Variants in SEPTIN10 observed in about 807,000 individuals in gnomAD.
SEPTIN10 encodes the protein septin-10.
SEPTIN10 carries 66 observed loss-of-function variants against 54.8 expected under a neutral mutation model. That is an observed-to-expected ratio of 1.21 (90% CI 0.99 to 1.48). The LOEUF (loss-of-function observed/expected upper bound fraction) is 1.48, where lower values mean the gene tolerates loss of function less well. SEPTIN10 is among the 40% of genes most tolerant of loss of function. The pLI is 0.00. For missense variants in SEPTIN10, 620 were observed against 545.6 expected (o/e 1.14, Z -1.36); for synonymous variants, 161 against 181.0 (o/e 0.89, Z 0.89).
intron 9 of SEPTIN10, among the ~76,000 whole-genome samples, chr2:109,546,883 G>C (rs969076660): frequency 3.9e-5 from 6 of 152,080 alleles, no homozygotes; most frequent in Admixed American, 3.9e-4. Flanking sequence ...AGCCAATAAA[G>C]ATAAAGAATA....
Position 109,553,129 on chromosome 2 carries a change from T to G in SEPTIN10, c.1119A>C (p.Arg373=). 1 of 1,613,830 alleles carries G rather than the reference T, an allele frequency of 6.2e-7. No individual in the cohort carries two copies. Among genetic ancestry groups the G allele is most frequent in the Non-Finnish European group, 8.5e-7 (1 of 1,180,032 alleles). The stretch of plus-strand genomic sequence containing the variant: ...TCAATATGGCTTCTTTCTCCTTTAC[T>G]CGCTGCACAAACATCTGTTTCATTT... The part of the protein sequence containing the change: ...EEEMKQMFVQ[R]VKEKEAILKE... Residue 373 remains arginine (R), a synonymous_variant, in exon 9 of 11, where the codon CGA becomes CGC. Transcript: ENST00000397712.
chr2:109,553,284 C>A lies in SEPTIN10; in HGVS notation c.1029-65G>T, dbSNP rs955483152. On this transcript the variant is annotated intron_variant, in intron 8 of 10. Coordinates refer to ENST00000397712, the MANE Select transcript of SEPTIN10 (RefSeq NM_144710.5). Reference sequence around the variant, plus strand: ...TATAGGTCGGGTATGGCGGCTCACGCCTGTAATCCCAACACTTTGGGAGGC... The same window carrying A: ...TATAGGTCGGGTATGGCGGCTCACGACTGTAATCCCAACACTTTGGGAGGC... 7.7e-6 allele frequency: 12 copies of A among 1,558,696 alleles called. No individual in the cohort carries two copies. In the African/African-American group the frequency reaches 1.6e-4, roughly 21 times the overall value.
chr2:109,608,513 CAT>C (rs1373537124), intron 1 of SEPTIN10, among the ~76,000 whole-genome samples: 1 of 152,166 alleles, frequency 6.6e-6, no homozygotes, highest in Non-Finnish European at 1.5e-5. Flanking sequence ...GTTCCTTGGT[CAT>C]ATGATCTTAG....
intron 1 of SEPTIN10, among the ~76,000 whole-genome samples, chr2:109,606,222 C>T (rs1413838532): frequency 2.6e-5 from 4 of 152,132 alleles, no homozygotes; most frequent in African/African-American, 9.7e-5. Context: ...TGAGACCACC[C>T]TGGCCAACAT....
chr2:109,581,595 A>G (rs1691170925), intron 4 of SEPTIN10, among the ~76,000 whole-genome samples: 1 of 152,038 alleles, frequency 6.6e-6, no homozygotes, highest in South Asian at 2.1e-4. Context: ...AACACACGGG[A>G]ATGGCTAAAG....
At chr2:109,596,625 A>G (rs1695378551) in intron 1 of SEPTIN10, among the ~76,000 whole-genome samples, 1 of 152,056 alleles carries the variant, frequency 6.6e-6, no homozygotes, top group Non-Finnish European at 1.5e-5. Flanking sequence ...AAAAAAAGAA[A>G]AAAAAAAAGA....
chr2:109,610,071 C>T (rs1698912642), intron 1 of SEPTIN10, among the ~76,000 whole-genome samples: 1 of 150,256 alleles, frequency 6.7e-6, no homozygotes, highest in African/African-American at 2.5e-5. Context: ...ATTCCTTAAG[C>T]GAGACACTAA....
intron 1 of SEPTIN10, among the ~76,000 whole-genome samples, chr2:109,610,192 G>A (rs61398276): frequency 0.064 from 9,747 of 151,814 alleles, 746 homozygotes; most frequent in East Asian, 0.24. Flanking sequence ...AGGTTCAAGT[G>A]ATCCTCCTGC....
At chr2:109,577,565 C>T (rs573875436) in intron 4 of SEPTIN10, among the ~76,000 whole-genome samples, 2 of 150,192 alleles carry the variant, frequency 1.3e-5, no homozygotes, top group African/African-American at 2.5e-5. Context: ...GCATTCTAGC[C>T]TCAGTGACAG....
At chr2:109,575,177 T>G (rs574158085) in intron 4 of SEPTIN10, among the ~76,000 whole-genome samples, 6 of 152,294 alleles carry the variant, frequency 3.9e-5, no homozygotes, top group African/African-American at 1.4e-4. Flanking sequence ...ACATGCTGGG[T>G]CCCTTTCTGA....
chr2:109,591,400 G>C (rs1019952023), intron 2 of SEPTIN10, among the ~76,000 whole-genome samples: 5 of 152,168 alleles, frequency 3.3e-5, no homozygotes, highest in Non-Finnish European at 7.3e-5. Flanking sequence ...CAGGGAAAAA[G>C]AAACCAAGCA....
chr2:109,602,844 G>T (rs1357785757), intron 1 of SEPTIN10, among the ~76,000 whole-genome samples: 1 of 137,982 alleles, frequency 7.2e-6, no homozygotes, highest in Non-Finnish European at 1.5e-5. Flanking sequence ...GGAAGGAAGA[G>T]AAATAGATAC....
chr2:109,574,484 G>A (rs1689154394), intron 5 of SEPTIN10, 97 bp downstream of exon 5: 2 of 702,244 alleles, frequency 2.8e-6, no homozygotes, highest in Non-Finnish European at 2.0e-6. Context: ...AAGATGCACA[G>A]GATAAAAGTT....
At chr2:109,592,191 G>T (rs756518749) in intron 2 of SEPTIN10, among the ~76,000 whole-genome samples, 2 of 152,022 alleles carry the variant, frequency 1.3e-5, no homozygotes, top group South Asian at 4.2e-4. Context: ...ACGGCCGGGC[G>T]TGGTGGCTCA....
chr2:109,592,659 G>A (rs1227377606), intron 2 of SEPTIN10, among the ~76,000 whole-genome samples: 1 of 141,110 alleles, frequency 7.1e-6, no homozygotes, highest in Non-Finnish European at 1.5e-5. Context: ...GGTCACCTGT[G>A]ATCCCAGCTA....
rs772255876 is a variant in SEPTIN10 at position 109,564,480 on chromosome 2, G to A, written c.914C>T (p.Thr305Ile). Reference sequence around the variant, plus strand: ...CTGCTCTCGCAGGTCCTCCATATTTGTACAAATGAGCATTTCCCGCAGCTT... The same window carrying A: ...CTGCTCTCGCAGGTCCTCCATATTTATACAAATGAGCATTTCCCGCAGCTT... ...FVKLREMLIC[T>I]NMEDLREQTH... The change falls in exon 8 of 11, where the codon ACA (threonine) becomes ATA (isoleucine). Residue 305 changes from threonine to isoleucine, a missense_variant. Coordinates refer to ENST00000397712, the MANE Select transcript of SEPTIN10 (RefSeq NM_144710.5). 7 of 1,577,954 alleles carry A rather than the reference G, an allele frequency of 4.4e-6. No individual in the cohort carries two copies. In the Admixed American group the frequency reaches 1.0e-4, roughly 23 times the overall value.
chr2:109,567,970 T>C lies in SEPTIN10; in HGVS notation c.607A>G (p.Ile203Val). ...TCTGCTTTGGCAATCACTGGTATAA[T>C]GTTTACCTATTAAGAATAAAGAAAA... is the stretch of plus-strand genomic sequence containing the variant. ...TMKNLDSKVN[I>V]IPVIAKADTV... The change falls in exon 6 of 11, where the codon ATT (isoleucine) becomes GTT (valine). Residue 203 changes from isoleucine (I) to valine (V), a missense_variant. Coordinates refer to ENST00000397712, the MANE Select transcript of SEPTIN10 (RefSeq NM_144710.5). The C allele has an allele frequency of 1.3e-6, 2 of 1,591,746 alleles. No homozygotes were observed. Among genetic ancestry groups the C allele is most frequent in the South Asian group, 1.1e-5 (1 of 87,370 alleles).
chr2:109,569,817 G>A (rs1322777721), intron 5 of SEPTIN10, among the ~76,000 whole-genome samples: 1 of 151,576 alleles, frequency 6.6e-6, no homozygotes, highest in Non-Finnish European at 1.5e-5. Flanking sequence ...AACAGATATT[G>A]CCCAAAGAGG....
chr2:109,582,108 A>ACT (rs1691319361), intron 4 of SEPTIN10, among the ~76,000 whole-genome samples: 1 of 143,086 alleles, frequency 7.0e-6, no homozygotes, highest in South Asian at 2.2e-4. Context: ...ACACACACAC[A>ACT]CACACTCACT....
Sources: gnomAD v4.1 joint callset for allele counts (sites outside exome capture counted in the v4.1 genomes callset) on GRCh38, gnomAD v4.1.1 for gene constraint, MANE v1.5 for transcripts, NCBI Gene and HGNC (gene_info 2026-07-23, HGNC 2026-07-21) for gene names.